WDR36: variants seen among roughly 807,000 people sequenced by gnomAD.
The protein encoded by WDR36 is WD repeat-containing protein 36.
WDR36 carries 63 observed loss-of-function variants against 112.7 expected under a neutral mutation model. The ratio of observed to expected loss-of-function variants is 0.56; its 90% CI spans 0.46 to 0.69. The LOEUF (loss-of-function observed/expected upper bound fraction) is 0.69, where lower values mean the gene tolerates loss of function less well. WDR36 is among the 30% of genes least tolerant of loss of function. The probability of loss-of-function intolerance (pLI) is 0.00; values close to 1 mark genes in which losing one functional copy is unlikely to be tolerated. For synonymous variants in WDR36, 410 were observed against 362.2 expected, an observed-to-expected ratio of 1.13 and a Z score of -1.50; for missense variants, 1,226 against 1,070.3, an observed-to-expected ratio of 1.15 and a Z score of -2.03.
intron 2 of WDR36, among the ~76,000 whole-genome samples, chr5:111,096,018 G>A (rs964982047): frequency 2.0e-5 from 3 of 152,150 alleles, no homozygotes; most frequent in African/African-American, 7.2e-5. Flanking sequence ...GCAGAAGAAA[G>A]GCATTGGAAC....
At chr5:111,096,752 A>G (rs932049644) in intron 2 of WDR36, among the ~76,000 whole-genome samples, 4 of 152,010 alleles carry the variant, frequency 2.6e-5, no homozygotes, top group Admixed American at 6.6e-5. Context: ...CTGGATGACT[A>G]TCTGTCAGAG....
intron 7 of WDR36, 93 bp from the exon 8 acceptor site, chr5:111,104,084 A>T: frequency 2.8e-6 from 4 of 1,421,236 alleles, no homozygotes; most frequent in Admixed American, 4.3e-5. Context: ...GTTTTTTTCT[A>T]ACTTTATGGA....
chr5:111,106,349 G>A (rs1449014904), intron 11 of WDR36, among the ~76,000 whole-genome samples: 1 of 151,406 alleles, frequency 6.6e-6, no homozygotes, highest in Admixed American at 6.6e-5. Context: ...ATCAGGCTTT[G>A]CTCTTCTGTA....
intron 15 of WDR36, 78 bp from the exon 16 acceptor site, chr5:111,112,996 C>T (rs1580399328): frequency 3.3e-6 from 1 of 302,556 alleles, no homozygotes; most frequent in Non-Finnish European, 5.3e-6. Flanking sequence ...TACATACACA[C>T]ATACATACAA....
At chr5:111,094,159 A>G (rs1485556455) in intron 1 of WDR36, among the ~76,000 whole-genome samples, 2 of 152,194 alleles carry the variant, frequency 1.3e-5, no homozygotes, top group Non-Finnish European at 2.9e-5. Context: ...TTTCTTCTAC[A>G]GGGGAAACTA....
rs780142483 is a variant in WDR36, at chr5:111,111,275, C to T, written c.1713C>T (p.Asp571=). ...EFSGHQGQIN[D]MAFSPDGRWL... ...CTGGACACCAAGGCCAAATAAATGA[C>T]ATGGTAAAACAAACTCTAACTAATA... The change falls in exon 15 of 23, where the codon GAC becomes GAT. Residue 571 remains aspartate (D), a synonymous_variant. Coordinates refer to ENST00000513710, the MANE Select transcript of WDR36 (RefSeq NM_139281.3). The T allele has an allele frequency of 6.2e-7, 1 of 1,609,198 alleles. No individual in the cohort carries two copies. The highest frequency in any genetic ancestry group is 1.3e-5 in the African/African-American group (1 of 74,808).
Position 111,104,272 on chromosome 5 carries a change from C to A in WDR36, c.826C>A (p.His276Asn). The A allele has an allele frequency of 1.2e-6, 2 of 1,612,122 alleles. No individual in the cohort carries two copies. Among genetic ancestry groups the A allele is most frequent in the Non-Finnish European group, 8.5e-7 (1 of 1,178,592 alleles). Residue 276 changes from histidine to asparagine, a missense_variant, in exon 8 of 23, where the codon CAC becomes AAC. Transcript: ENST00000513710. ...KKLINQMRNAHSTAIAGLTFL... is the reference protein window; with the variant it reads ...KKLINQMRNANSTAIAGLTFL... The stretch of plus-strand genomic sequence containing the variant: ...ATTAATCAACCAAATGAGAAATGCA[C>A]ACTCTACAGCAATTGCCGGACTGAC...
At chr5:111,097,258 C>G in intron 3 of WDR36, 79 bp downstream of exon 3, 2 of 993,508 alleles carry the variant, frequency 2.0e-6, no homozygotes, top group Non-Finnish European at 3.2e-6. Context: ...TTTTGTCATT[C>G]TTTACCCAGC....
At chr5:111,099,001 A>G (rs938616522) in intron 4 of WDR36, among the ~76,000 whole-genome samples, 162 bp downstream of exon 4, 2 of 152,216 alleles carry the variant, frequency 1.3e-5, no homozygotes, top group African/African-American at 4.8e-5. Context: ...TCTAAGTAAG[A>G]AAGAGATAAA....
chr5:111,107,008 C>G (rs1753234202), intron 11 of WDR36, among the ~76,000 whole-genome samples: 1 of 151,394 alleles, frequency 6.6e-6, no homozygotes. Context: ...GTAATTTCTT[C>G]TGATTAGAAT....
rs1752889947 is a variant in WDR36 at position 111,092,612 on chromosome 5, C to A, written c.156C>A (p.Thr52=). The change falls in exon 1 of 23, where the codon ACC becomes ACA. Residue 52 remains threonine, a synonymous_variant. Coordinates refer to ENST00000513710, the MANE Select transcript of WDR36 (RefSeq NM_139281.3). ...VTTCVGKSFH[T]YDVQKLSLVA... is the part of the protein sequence containing the mutation. The stretch of plus-strand genomic sequence containing the variant: ...CCTGCGTGGGCAAGAGTTTCCACAC[C>A]TATGACGTGAGTGACTTCTTTTGTT... 6.2e-7 allele frequency: 1 copy of A among 1,613,062 alleles called. No individual in the cohort carries two copies. Among genetic ancestry groups the A allele is most frequent in the African/African-American group, 1.3e-5 (1 of 74,950 alleles).
intron 15 of WDR36, among the ~76,000 whole-genome samples, chr5:111,111,775 G>A (rs1417265884): frequency 6.6e-6 from 1 of 151,570 alleles, no homozygotes; most frequent in African/African-American, 2.4e-5. Flanking sequence ...CTTATAATGG[G>A]ATATATGATA....
Position 111,106,073 on chromosome 5 carries a change from G to C in WDR36, c.1110G>C (p.Lys370Asn). Residue 370 changes from lysine to asparagine, a missense_variant, in exon 11 of 23, where the codon AAG (lysine) becomes AAC (asparagine). Transcript: ENST00000513710. ...KSLGHGLINKKRVKRKGLQNT... is the reference protein window; with the variant it reads ...KSLGHGLINKNRVKRKGLQNT... ...CATCCTTAGGATTAATAAATAAAAAGAGAGTTAAACGTAAAGGACTTCAGA... is the reference window on the plus strand; with the variant it reads ...CATCCTTAGGATTAATAAATAAAAACAGAGTTAAACGTAAAGGACTTCAGA... The C allele has an allele frequency of 6.2e-7, 1 of 1,609,346 alleles. No homozygotes were observed. Among genetic ancestry groups the C allele is most frequent in the East Asian group, 2.2e-5 (1 of 44,712 alleles).
intron 12 of WDR36, 34 bp from the exon 13 acceptor site, chr5:111,110,155 T>C (rs1482103727): frequency 1.4e-6 from 2 of 1,449,902 alleles, no homozygotes; most frequent in Admixed American, 1.7e-5. Flanking sequence ...AAAATGTTAG[T>C]TATTTTGTCA....
chr5:111,119,230 T>C (rs1174618180), intron 17 of WDR36, 110 bp downstream of exon 17: 3 of 858,662 alleles, frequency 3.5e-6, no homozygotes, highest in Non-Finnish European at 6.0e-6. Flanking sequence ...TAAATGGAAA[T>C]GTCACAAGTT....
In WDR36 at chr5:111,106,078, T is replaced by G; in HGVS notation, c.1115T>G (p.Val372Gly). 6.2e-7 allele frequency: 1 copy of G among 1,609,580 alleles called. No individual in the cohort carries two copies. Among genetic ancestry groups the G allele is most frequent in the Non-Finnish European group, 8.5e-7 (1 of 1,176,758 alleles). The change falls in exon 11 of 23, where the codon GTT becomes GGT. Residue 372 changes from valine (V) to glycine (G), a missense_variant. By Grantham distance (109) the Val-to-Gly change is moderately radical. Coordinates refer to ENST00000513710, the MANE Select transcript of WDR36 (RefSeq NM_139281.3). ...TTAGGATTAATAAATAAAAAGAGAG[T>G]TAAACGTAAAGGACTTCAGAATACC... is the stretch of plus-strand genomic sequence containing the variant. ...LGHGLINKKR[V>G]KRKGLQNTMS...
intron 12 of WDR36, among the ~76,000 whole-genome samples, chr5:111,109,768 TCTAA>T (rs929420272): frequency 1.6e-3 from 246 of 151,526 alleles, no homozygotes; most frequent in African/African-American, 5.7e-3. Flanking sequence ...GCTTGGCCAT[TCTAA>T]CTAATGGTAT....
In WDR36 at chr5:111,121,042, A is replaced by G. The variant is rs1753555091; in HGVS notation, c.2049A>G (p.Ile683Met). Residue 683 changes from isoleucine (I) to methionine (M), a missense_variant, in exon 19 of 23, where the codon ATA becomes ATG. By Grantham distance (10) the Ile-to-Met change is conservative. Transcript: ENST00000513710. ...CAGTAGAACCAAGTGATGAATTGAT[A>G]GAATATGATTCGCCAGAACAGTTGA... ...EETVEPSDEL[I>M]EYDSPEQLNE... The G allele has an allele frequency of 6.2e-7, 1 of 1,613,510 alleles. No individual in the cohort carries two copies. Among genetic ancestry groups the G allele is most frequent in the Non-Finnish European group, 8.5e-7 (1 of 1,179,648 alleles).
At chr5:111,115,371 C>A (rs893330769) in intron 16 of WDR36, among the ~76,000 whole-genome samples, 30 of 152,104 alleles carry the variant, frequency 2.0e-4, no homozygotes, top group African/African-American at 6.8e-4. Flanking sequence ...CATATCCTAA[C>A]AAGTTGTAGG....
Sources: allele counts gnomAD v4.1 joint callset (sites outside exome capture counted in the v4.1 genomes callset), GRCh38; gene constraint gnomAD v4.1.1; transcripts MANE v1.5; gene names NCBI Gene and HGNC (gene_info 2026-07-23, HGNC 2026-07-21).